KLHL6: variants seen among roughly 807,000 people sequenced by gnomAD.
KLHL6 encodes kelch like family member 6, also known as kelch-like protein 6.
Under a neutral mutation model 58.6 loss-of-function variants are expected in KLHL6, and 41 were observed. The observed-to-expected ratio is 0.70, with a 90% CI of 0.55 to 0.91. KLHL6 has a LOEUF of 0.91. Among genes scored for constraint, KLHL6 ranks in the 40% least tolerant of loss-of-function variants. KLHL6 has a pLI of 0.00. For synonymous variants in KLHL6, 338 were observed against 322.7 expected (o/e 1.05, Z -0.51); for missense variants, 714 against 805.6 (o/e 0.89, Z 1.38).
intron 1 of KLHL6, among the ~76,000 whole-genome samples, chr3:183,529,045 G>A (rs1712072384): frequency 6.6e-6 from 1 of 152,126 alleles, no homozygotes; most frequent in South Asian, 2.1e-4. Flanking sequence ...ACTAACACAA[G>A]AACAGAAAAC....
At chr3:183,555,236 A>G (rs187450896) in intron 1 of KLHL6, 125 bp downstream of exon 1, 2 of 653,782 alleles carry the variant, frequency 3.1e-6, no homozygotes, top group African/African-American at 3.6e-5. Flanking sequence ...AAGTAGACAC[A>G]CAAGCCTTAA....
chr3:183,520,470 C>A (rs1414413613), intron 2 of KLHL6: 3 of 151,588 alleles, frequency 2.0e-5, no homozygotes, highest in African/African-American at 7.3e-5. Context: ...GCCCAGGGGA[C>A]CGGCGCTCAG....
Position 183,492,223 on chromosome 3 carries a change from C to A in KLHL6, c.1570G>T (p.Ala524Ser), listed in dbSNP as rs1470942047. ...CTGTAGGCGTACAGCGCTCTCATGGCCCCACCTGAGGAGAGGGAGGAAACA... is the reference window on the plus strand; with the variant it reads ...CTGTAGGCGTACAGCGCTCTCATGGACCCACCTGAGGAGAGGGAGGAAACA... The part of the protein sequence containing the change: ...FRDRIYVVGG[A>S]MRALYAYSPL... The change falls in exon 7 of 7, where the codon GCC becomes TCC. Residue 524 changes from alanine to serine, a missense_variant. This residue lies in a region of KLHL6 where 510 missense variants were observed against 629.7 expected (regional missense o/e 0.81). Transcript: ENST00000341319. The surrounding 1 kb of genome is among the most constrained non-coding windows in gnomAD (Gnocchi z 5.9). 3 of 1,596,810 alleles carry A rather than the reference C, an allele frequency of 1.9e-6. No individual in the cohort carries two copies.
At chr3:183,545,984 G>A (rs1019931544) in intron 1 of KLHL6, among the ~76,000 whole-genome samples, 9 of 152,176 alleles carry the variant, frequency 5.9e-5, no homozygotes, top group African/African-American at 1.9e-4. Context: ...TTCACTTCAC[G>A]CATTTACAGG....
intron 2 of KLHL6, among the ~76,000 whole-genome samples, chr3:183,518,734 C>T (rs900044660): frequency 4.6e-5 from 7 of 152,246 alleles, no homozygotes; most frequent in South Asian, 2.1e-4. Flanking sequence ...TGGTAAGAAC[C>T]TACCCCTTCC....
Position 183,508,466 on chromosome 3 carries a change from C to A in KLHL6, c.502G>T (p.Ala168Ser). 6.2e-7 allele frequency: 1 copy of A among 1,614,170 alleles called. No individual in the cohort carries two copies. Among genetic ancestry groups the A allele is most frequent in the Non-Finnish European group, 8.5e-7 (1 of 1,180,030 alleles). ...VDACASFLTE[A>S]LNPENCVGIL... ...CCAACGCAGTTTTCTGGGTTCAAGGCTTCAGTGAGGAAGCTGGCACAGGCA... is the reference window on the plus strand; with the variant it reads ...CCAACGCAGTTTTCTGGGTTCAAGGATTCAGTGAGGAAGCTGGCACAGGCA... The change falls in exon 3 of 7, where the codon GCC (alanine) becomes TCC (serine). Residue 168 changes from alanine (A) to serine (S), a missense_variant. Around this residue, in one of 2 missense-constraint regions of KLHL6, gnomAD observed 510 missense variants for 629.7 expected, o/e 0.81. Coordinates refer to ENST00000341319, the MANE Select transcript of KLHL6 (RefSeq NM_130446.4).
chr3:183,531,444 T>A lies in KLHL6; in HGVS notation c.294-3434A>T, dbSNP rs34190674. Among the ~76,000 whole-genome samples the A allele has an allele frequency of 3.9e-3, 433 of 111,078 alleles. 26 individuals are homozygous for A. Among genetic ancestry groups the A allele is most frequent in the African/African-American group, 5.5e-3 (115 of 20,786 alleles). The allele number at this position is 111,078 out of a possible 152,430, so 72.9% of individuals were successfully genotyped here. A position where few individuals can be genotyped will look rare whatever the true frequency, so the allele number is the denominator to read the frequency against. Reference sequence around the variant, plus strand: ...TCTTTCTGTTCTTTTTTTGTCTGTGTTTTTTTTTTTTTTTTTTTTTTTTGA... The same window carrying A: ...TCTTTCTGTTCTTTTTTTGTCTGTGATTTTTTTTTTTTTTTTTTTTTTTGA... On this transcript the variant is annotated intron_variant, in intron 1 of 6. Transcript: ENST00000341319.
intron 3 of KLHL6, among the ~76,000 whole-genome samples, chr3:183,502,085 T>A (rs1304896769): frequency 6.6e-6 from 1 of 151,476 alleles, no homozygotes; most frequent in Non-Finnish European, 1.5e-5. Flanking sequence ...AGGTCAGGAG[T>A]TCGAGATCAG....
At chr3:183,505,122 T>C (rs993354853) in intron 3 of KLHL6, among the ~76,000 whole-genome samples, 2 of 152,214 alleles carry the variant, frequency 1.3e-5, no homozygotes, top group Admixed American at 1.3e-4. Context: ...CTGAAACCTG[T>C]CTGCAATTAT....
At chr3:183,510,963 G>A (rs1344844329) in intron 2 of KLHL6, among the ~76,000 whole-genome samples, 2 of 151,832 alleles carry the variant, frequency 1.3e-5, no homozygotes, top group African/African-American at 2.4e-5. Context: ...GGTATTTCTC[G>A]TCAGGTGGGA....
rs1464628184 is a variant in KLHL6, at chr3:183,555,532, A to G, written c.122T>C (p.Ile41Thr). ...PSQKTGDLVE[I>T]LNGEKVKFDD... The stretch of plus-strand genomic sequence containing the variant: ...AAATTTGACCTTTTCCCCATTTAAG[A>G]TCTCGACCAAGTCTCCTGTTTTCTG... The change falls in exon 1 of 7, where the codon ATC (isoleucine) becomes ACC (threonine). Residue 41 changes from isoleucine to threonine, a missense_variant. Physicochemically the swap from Ile to Thr is moderately conservative, Grantham distance 89. Around this residue, in one of 2 missense-constraint regions of KLHL6, gnomAD observed 204 missense variants for 175.9 expected, o/e 1.16. Coordinates refer to ENST00000341319, the MANE Select transcript of KLHL6 (RefSeq NM_130446.4). The G allele has an allele frequency of 1.2e-6, 2 of 1,614,072 alleles. No individual in the cohort carries two copies. Among genetic ancestry groups the G allele is most frequent in the South Asian group, 1.1e-5 (1 of 91,060 alleles).
chr3:183,540,371 C>T (rs1314760690), intron 1 of KLHL6, among the ~76,000 whole-genome samples: 1 of 152,128 alleles, frequency 6.6e-6, no homozygotes, highest in Non-Finnish European at 1.5e-5. Flanking sequence ...TTACTTTGGG[C>T]ACAAGGACCC....
In KLHL6 at chr3:183,527,831, G is replaced by A; in HGVS notation, c.459+14C>T. ...TGCTTCAGAGAAGAGCACTGAGCCA[G>A]TTTGTTCACACACCTGGAAGAGGTT... On this transcript the variant is annotated intron_variant, in intron 2 of 6. Transcript: ENST00000341319. The A allele has an allele frequency of 6.2e-7, 1 of 1,613,602 alleles. No individual in the cohort carries two copies.
chr3:183,502,302 C>CA (rs56296492), intron 3 of KLHL6, among the ~76,000 whole-genome samples: 69,690 of 138,642 alleles, frequency 0.5, 17,198 homozygotes, highest in Non-Finnish European at 0.55. Context: ...AACTCCATCT[C>CA]AAAAAAAAAA....
rs773122227 is a variant in KLHL6, at chr3:183,499,329, G to C, written c.1147+261C>G. Among the ~76,000 whole-genome samples the C allele has an allele frequency of 6.0e-5, 9 of 150,344 alleles. No individual in the cohort carries two copies. The highest frequency in any genetic ancestry group is 8.9e-5 in the Non-Finnish European group (6 of 67,578). ...CCACTGCACTCCAGCCTGAGCAACA[G>C]AGCGAGACGCTGTCTCAAAAAAAAA... On this transcript the variant is annotated intron_variant, in intron 4 of 6. Coordinates refer to ENST00000341319, the MANE Select transcript of KLHL6 (RefSeq NM_130446.4). This position sits in a 1 kb window ranked among gnomAD's most constrained non-coding sequence, Gnocchi z 4.6.
chr3:183,522,074 C>T (rs1711781942), intron 2 of KLHL6, among the ~76,000 whole-genome samples: 1 of 151,002 alleles, frequency 6.6e-6, no homozygotes, highest in African/African-American at 2.4e-5. Flanking sequence ...GCCTGTAATC[C>T]CAGCACTTTG....
chr3:183,525,220 C>A (rs1464292430), intron 2 of KLHL6, among the ~76,000 whole-genome samples: 1 of 142,520 alleles, frequency 7.0e-6, no homozygotes, highest in Non-Finnish European at 1.5e-5. Flanking sequence ...GCCGAGATTG[C>A]ACCACTGCAC....
intron 2 of KLHL6, among the ~76,000 whole-genome samples, chr3:183,511,936 A>G (rs543518921): frequency 6.6e-6 from 1 of 152,336 alleles, no homozygotes; most frequent in East Asian, 1.9e-4. Flanking sequence ...CACAATGCAA[A>G]GTTGCAGAAG....
Position 183,492,352 on chromosome 3 carries a change from G to A in KLHL6, c.1565-124C>T. 7.7e-7 allele frequency: 1 copy of A among 1,300,962 alleles called. No homozygotes were observed. The highest frequency in any genetic ancestry group is 1.1e-6 in the Non-Finnish European group (1 of 944,776). 80.6% of individuals were successfully genotyped at this position (1,300,962 alleles called of 1,614,324 possible). Reference sequence around the variant, plus strand: ...CTCTTGCCAAGAGAAACAGTCGATTGATGGCTCTCCTGAAAGCCAGAGTGG... The same window carrying A: ...CTCTTGCCAAGAGAAACAGTCGATTAATGGCTCTCCTGAAAGCCAGAGTGG... On this transcript the variant is annotated intron_variant, in intron 6 of 6. Transcript: ENST00000341319. This position sits in a 1 kb window ranked among gnomAD's most constrained non-coding sequence, Gnocchi z 5.9.
Sources: allele counts gnomAD v4.1 joint callset (sites outside exome capture counted in the v4.1 genomes callset), GRCh38; gene constraint gnomAD v4.1.1; regional missense constraint gnomAD v4.1.1; non-coding constraint Gnocchi (gnomAD v3.1); transcripts MANE v1.5; gene names NCBI Gene and HGNC (gene_info 2026-07-23, HGNC 2026-07-21).